ETFA: variants seen among roughly 807,000 people sequenced by gnomAD.
ETFA encodes the protein electron transfer flavoprotein subunit alpha, also known as electron transfer flavoprotein subunit alpha, mitochondrial.
A neutral mutation model predicts 46.2 loss-of-function variants in ETFA; 22 were observed. The observed-to-expected ratio is 0.48, with a 90% confidence interval of 0.34 to 0.68. The LOEUF is 0.68. Ranked by LOEUF, ETFA falls within the 30% of genes least tolerant of loss-of-function variation. The pLI is 0.01. For missense variants in ETFA, 345 were observed against 401.1 expected (o/e 0.86, Z 1.19); for synonymous variants, 131 against 139.9 (o/e 0.94, Z 0.45).
chr15:76,275,313 T>C (rs1324014244), intron 8 of ETFA, among the ~76,000 whole-genome samples: 1 of 152,196 alleles, frequency 6.6e-6, no homozygotes, highest in African/African-American at 2.4e-5. Context: ...TTTATTAAAA[T>C]GTAAGTTTTA....
chr15:76,272,187 G>GTCACT (rs1359756722), intron 9 of ETFA, among the ~76,000 whole-genome samples: 2 of 149,768 alleles, frequency 1.3e-5, no homozygotes, highest in African/African-American at 2.5e-5. Flanking sequence ...ATAAGTCTCT[G>GTCACT]TCACTTCAGT....
intron 9 of ETFA, among the ~76,000 whole-genome samples, chr15:76,232,932 TG>T (rs1223978903): frequency 1.3e-5 from 2 of 152,202 alleles, no homozygotes; most frequent in African/African-American, 2.4e-5. Flanking sequence ...AAGCATAAAG[TG>T]TCCAACTGCT....
chr15:76,309,761 A>G (rs890876264), intron 1 of ETFA, among the ~76,000 whole-genome samples: 2 of 152,172 alleles, frequency 1.3e-5, no homozygotes, highest in African/African-American at 4.8e-5. Flanking sequence ...CTTCTGGCTC[A>G]GGTTCCTGGA....
At position 76,295,632 on chromosome 15, in the gene ETFA, C is replaced by T; in HGVS notation, c.145G>A (p.Gly49Ser). 6.2e-7 allele frequency: 1 copy of T among 1,613,850 alleles called. No individual in the cohort carries two copies. Among genetic ancestry groups the T allele is most frequent in the Non-Finnish European group, 8.5e-7 (1 of 1,179,858 alleles). ...NTITAATRLGGEVSCLVAGTK... is the reference protein window; with the variant it reads ...NTITAATRLGSEVSCLVAGTK... ...CCAGCTACTAAGCAGGACACTTCAC[C>T]TCCAAGGCGTGTGGCTGCAGTAATG... is the stretch of plus-strand genomic sequence containing the variant. Residue 49 changes from glycine (G) to serine (S), a missense_variant, in exon 2 of 12, where the codon GGT (glycine) becomes AGT (serine). By Grantham distance (56) the Gly-to-Ser change is moderately conservative. Transcript: ENST00000557943.
chr15:76,296,236 C>T (rs1234078081), intron 1 of ETFA, among the ~76,000 whole-genome samples: 2 of 152,000 alleles, frequency 1.3e-5, no homozygotes, highest in Admixed American at 6.6e-5. Flanking sequence ...CATGCGCCAC[C>T]GCACCTGGCC....
intron 9 of ETFA, among the ~76,000 whole-genome samples, chr15:76,262,474 CTTTTTTTT>C (rs60480510): frequency 1.1e-4 from 9 of 84,688 alleles, no homozygotes; most frequent in South Asian, 5.6e-4. Context: ...ATCAAACCCC[CTTTTTTTT>C]TTTTTTTTTT....
At chr15:76,243,908 C>T (rs2039219740) in intron 9 of ETFA, among the ~76,000 whole-genome samples, 1 of 151,852 alleles carries the variant, frequency 6.6e-6, no homozygotes, top group Non-Finnish European at 1.5e-5. Context: ...TTTTTTGAGA[C>T]AGAGTTTCAC....
chr15:76,302,042 T>C (rs1051328829), intron 1 of ETFA, among the ~76,000 whole-genome samples: 1 of 152,210 alleles, frequency 6.6e-6, no homozygotes. Flanking sequence ...TACCAAATGC[T>C]AGTAAGGATG....
chr15:76,228,110 C>A (rs2039023802), intron 10 of ETFA: 2 of 381,026 alleles, frequency 5.2e-6, no homozygotes, highest in Admixed American at 6.3e-5. Flanking sequence ...GTAAATTATT[C>A]TTCTAGAGGC....
chr15:76,270,111 T>C (rs1013409858), intron 9 of ETFA, among the ~76,000 whole-genome samples: 2 of 152,188 alleles, frequency 1.3e-5, no homozygotes, highest in African/African-American at 4.8e-5. Flanking sequence ...AGAACCCACA[T>C]ACATAGTTGG....
intron 9 of ETFA, among the ~76,000 whole-genome samples, chr15:76,257,435 C>T (rs1462352573): frequency 1.3e-5 from 2 of 152,180 alleles, no homozygotes; most frequent in African/African-American, 4.8e-5. Context: ...CATCACTGGC[C>T]ATCAGAGAAA....
chr15:76,229,763 A>G (rs4886783), intron 10 of ETFA, among the ~76,000 whole-genome samples: 37,739 of 152,112 alleles, frequency 0.25, 5,632 homozygotes, highest in East Asian at 0.56. Flanking sequence ...CATGCATTTC[A>G]AATTAGAAGA....
rs1289782242 is a variant in ETFA at position 76,225,939 on chromosome 15, A to G, written c.883-10T>C. ...TAATTGCCACAATTGTCTGTGAAAT[A>G]AAAACAAAGAGTTTGACTTTTACCA... On this transcript the variant is annotated splice_polypyrimidine_tract_variant and intron_variant, in intron 10 of 11. Transcript: ENST00000557943. The G allele has an allele frequency of 4.5e-6, 7 of 1,565,552 alleles. No homozygotes were observed. Among genetic ancestry groups the G allele is most frequent in the Non-Finnish European group, 6.2e-6 (7 of 1,136,114 alleles).
chr15:76,258,885 T>G (rs2039373483), intron 9 of ETFA: 2 of 788,066 alleles, frequency 2.5e-6, no homozygotes, highest in African/African-American at 3.4e-5. Flanking sequence ...CACAGGAGCC[T>G]CCACACCTTG....
chr15:76,253,503 A>G (rs2456072), intron 9 of ETFA, among the ~76,000 whole-genome samples: 31,490 of 152,080 alleles, frequency 0.21, 3,576 homozygotes, highest in African/African-American at 0.29. Flanking sequence ...GCAAAAAATG[A>G]GAGGATTTTC....
chr15:76,284,208 T>C (rs1001667306), intron 7 of ETFA, among the ~76,000 whole-genome samples: 1 of 152,238 alleles, frequency 6.6e-6, no homozygotes, highest in African/African-American at 2.4e-5. Flanking sequence ...GGGAGTCATC[T>C]CAAGGACTTT....
At position 76,231,337 on chromosome 15, in the gene ETFA, C is replaced by CTGTCTT. The variant is rs747968020; in HGVS notation, c.872_877dup (p.Lys291_Asp292dup). On this transcript the variant is annotated inframe_insertion, in exon 10 of 12. Coordinates refer to ENST00000557943, the MANE Select transcript of ETFA (RefSeq NM_000126.4). ...ACATCACTGATGTACAATTACCTTG[C>CTGTCTT]TGTCTTTCATCCCAGCTAAATGTTG... The CTGTCTT allele has an allele frequency of 1.3e-6, 2 of 1,594,546 alleles. No homozygotes were observed. The highest frequency in any genetic ancestry group is 1.7e-6 in the Non-Finnish European group (2 of 1,162,330).
intron 1 of ETFA, among the ~76,000 whole-genome samples, chr15:76,296,004 C>T (rs1241357019): frequency 3.4e-4 from 21 of 62,154 alleles, no homozygotes; most frequent in Middle Eastern, 0.02. Flanking sequence ...TGCAGTGGCG[C>T]GTGCGACCAT....
chr15:76,244,488 C>T (rs2039225735), intron 9 of ETFA, among the ~76,000 whole-genome samples: 3 of 152,102 alleles, frequency 2.0e-5, no homozygotes, highest in Non-Finnish European at 4.4e-5. Context: ...TTCTTCTCTA[C>T]ACCTCAGTGC....
Sources: gnomAD v4.1 joint callset for allele counts (sites outside exome capture counted in the v4.1 genomes callset) on GRCh38, gnomAD v4.1.1 for gene constraint, MANE v1.5 for transcripts, NCBI Gene and HGNC (gene_info 2026-07-23, HGNC 2026-07-21) for gene names.